The following ARHGAP15 variants were observed in gnomAD, a reference collection of about 807,000 sequenced individuals.
ARHGAP15 encodes the protein rho GTPase-activating protein 15.
A neutral mutation model predicts 63.7 loss-of-function variants in ARHGAP15; 51 were observed. The observed-to-expected ratio is 0.80, with a 90% CI of 0.64 to 1.01. The LOEUF (loss-of-function observed/expected upper bound fraction) is 1.01. ARHGAP15 is among the 50% of genes least tolerant of loss of function. The pLI is 0.00. For synonymous variants in ARHGAP15, 191 were observed against 193.8 expected, an observed-to-expected ratio of 0.99 and a Z score of 0.12; for missense variants, 560 against 564.6, an observed-to-expected ratio of 0.99 and a Z score of 0.08.
chr2:143,534,798 T>C (rs1694679447), intron 10 of ARHGAP15, among the ~76,000 whole-genome samples: 2 of 151,892 alleles, frequency 1.3e-5, no homozygotes. Context: ...TGGGAGGACC[T>C]GAGCCTGGAG....
intron 13 of ARHGAP15, among the ~76,000 whole-genome samples, chr2:143,724,312 A>T (rs1423641903): frequency 3.3e-5 from 5 of 152,184 alleles, no homozygotes; most frequent in African/African-American, 1.2e-4. Flanking sequence ...CTCTTCAGTT[A>T]CAATACCTAA....
intron 13 of ARHGAP15, among the ~76,000 whole-genome samples, chr2:143,740,121 A>G (rs150336143): frequency 2.0e-5 from 3 of 152,184 alleles, no homozygotes; most frequent in Non-Finnish European, 4.4e-5. Context: ...TAAGCAAAAC[A>G]GAAAAAAAAA....
At chr2:143,195,505 T>C (rs967213356) in intron 2 of ARHGAP15, among the ~76,000 whole-genome samples, 1 of 152,096 alleles carries the variant, frequency 6.6e-6, no homozygotes, top group African/African-American at 2.4e-5. Context: ...AAAAAAAGCT[T>C]CACTAACTTT....
chr2:143,500,527 T>A (rs757182859), intron 9 of ARHGAP15, among the ~76,000 whole-genome samples: 36 of 152,184 alleles, frequency 2.4e-4, no homozygotes, highest in Non-Finnish European at 4.6e-4. Flanking sequence ...GTGATATGTA[T>A]GTTCAGATGT....
chr2:143,319,690 G>C (rs1683910089), intron 6 of ARHGAP15, among the ~76,000 whole-genome samples: 1 of 151,640 alleles, frequency 6.6e-6, no homozygotes, highest in Non-Finnish European at 1.5e-5. Context: ...TCATCTCTTT[G>C]CCCATTTTGT....
intron 2 of ARHGAP15, among the ~76,000 whole-genome samples, chr2:143,157,822 C>T (rs1366429474): frequency 2.0e-5 from 3 of 151,762 alleles, no homozygotes; most frequent in African/African-American, 7.3e-5. Context: ...TCAAGCTAAA[C>T]TAAGAACTTG....
chr2:143,703,630 G>A (rs1386051872), intron 13 of ARHGAP15, 106 bp downstream of exon 13: 8 of 806,904 alleles, frequency 9.9e-6, no homozygotes, highest in Admixed American at 5.8e-5. Flanking sequence ...CGTACATCTC[G>A]TATTTTCCCT....
chr2:143,514,110 C>A (rs371139294), intron 9 of ARHGAP15, among the ~76,000 whole-genome samples: 1 of 152,118 alleles, frequency 6.6e-6, no homozygotes, highest in Non-Finnish European at 1.5e-5. Flanking sequence ...TAGCATTAGT[C>A]ATATTATGTT....
chr2:143,699,762 AG>A (rs1419203745), intron 12 of ARHGAP15, among the ~76,000 whole-genome samples: 1 of 152,216 alleles, frequency 6.6e-6, no homozygotes, highest in African/African-American at 2.4e-5. Flanking sequence ...AACAAGACCC[AG>A]TGGCTTGGGC....
intron 12 of ARHGAP15, among the ~76,000 whole-genome samples, chr2:143,678,858 C>T (rs1682955534): frequency 6.6e-6 from 1 of 152,084 alleles, no homozygotes; most frequent in Non-Finnish European, 1.5e-5. Flanking sequence ...AAGCAAATGA[C>T]TTTTATACTT....
chr2:143,540,468 C>T (rs74718987), intron 10 of ARHGAP15, among the ~76,000 whole-genome samples: 1 of 150,126 alleles, frequency 6.7e-6, no homozygotes, highest in Non-Finnish European at 1.5e-5. Context: ...TTCTTCCTAG[C>T]CTTGATGGTC....
intron 8 of ARHGAP15, among the ~76,000 whole-genome samples, chr2:143,466,314 A>T (rs1010420852): frequency 6.6e-6 from 1 of 151,316 alleles, no homozygotes; most frequent in Non-Finnish European, 1.5e-5. Context: ...CCATTTTTTT[A>T]AAAATTGTGA....
At chr2:143,145,799 A>G (rs896659554) in intron 1 of ARHGAP15, among the ~76,000 whole-genome samples, 2 of 150,936 alleles carry the variant, frequency 1.3e-5, no homozygotes, top group African/African-American at 4.9e-5. Context: ...CGGTTCTTTC[A>G]GGAGAGATAA....
intron 9 of ARHGAP15, among the ~76,000 whole-genome samples, chr2:143,510,721 T>TATA (rs2104958634): frequency 6.6e-6 from 1 of 152,256 alleles, no homozygotes; most frequent in South Asian, 2.1e-4. Flanking sequence ...CCACGATAGT[T>TATA]GGATAATTGT....
At chr2:143,670,528 C>A (rs558595757) in intron 12 of ARHGAP15, among the ~76,000 whole-genome samples, 1 of 152,146 alleles carries the variant, frequency 6.6e-6, no homozygotes, top group Non-Finnish European at 1.5e-5. Context: ...CCAGAGTGTT[C>A]GCAGCCTGAC....
chr2:143,647,239 TTTATCATTGCCATAGTGTAAAAG>T (rs1403783633), intron 12 of ARHGAP15, among the ~76,000 whole-genome samples: 1 of 151,798 alleles, frequency 6.6e-6, no homozygotes, highest in African/African-American at 2.4e-5. Context: ...GTGTGTGAGA[TTTATCATTGCCATAGTGTAAAAG>T]AGTTGAATTA....
chr2:143,767,561 C>A (rs1319795023), intron 13 of ARHGAP15, among the ~76,000 whole-genome samples: 1 of 152,176 alleles, frequency 6.6e-6, no homozygotes, highest in Non-Finnish European at 1.5e-5. Flanking sequence ...TCAGGAAAAA[C>A]TTAATTTTTT....
chr2:143,343,549 A>C (rs1356585901), intron 6 of ARHGAP15, among the ~76,000 whole-genome samples: 1 of 152,102 alleles, frequency 6.6e-6, no homozygotes, highest in Non-Finnish European at 1.5e-5. Context: ...TTTGCCCTTG[A>C]AAGATCACTG....
chr2:143,215,487 C>G (rs1692719486), intron 3 of ARHGAP15, among the ~76,000 whole-genome samples: 1 of 151,994 alleles, frequency 6.6e-6, no homozygotes, highest in Admixed American at 6.6e-5. Context: ...ACTATTTCAG[C>G]TAGGGGGATA....
Sources: gnomAD v4.1 joint callset for allele counts (sites outside exome capture counted in the v4.1 genomes callset) on GRCh38, gnomAD v4.1.1 for gene constraint, MANE v1.5 for transcripts, NCBI Gene and HGNC (gene_info 2026-07-23, HGNC 2026-07-21) for gene names.